Variants in SERBP1 observed in about 807,000 individuals in gnomAD.
SERBP1 encodes SERPINE1 mRNA binding protein 1, also known as SERPINE1 mRNA-binding protein 1.
SERBP1 carries 6 observed loss-of-function variants against 50.2 expected under a neutral mutation model. That is an observed-to-expected ratio of 0.12 (90% CI 0.07 to 0.24). The LOEUF is 0.24. Among genes scored for constraint, SERBP1 ranks in the 10% least tolerant of loss-of-function variants. The pLI is 1.00. For missense variants in SERBP1, 346 were observed against 524.9 expected (o/e 0.66, Z 3.33); for synonymous variants, 168 against 182.8 (o/e 0.92, Z 0.65).
At chr1:67,415,114 A>C (rs985147477) in intron 7 of SERBP1, 52 bp downstream of exon 7, 26 of 1,498,244 alleles carry the variant, frequency 1.7e-5, no homozygotes, top group Non-Finnish European at 2.2e-5. Flanking sequence ...CCAGCCAGTG[A>C]CTTATAAGAG....
chr1:67,417,827 C>CA (rs1667066231), intron 6 of SERBP1, among the ~76,000 whole-genome samples: 2 of 151,790 alleles, frequency 1.3e-5, no homozygotes, highest in African/African-American at 2.4e-5. Flanking sequence ...CTAGAGCACT[C>CA]AGACAATGAG....
At chr1:67,428,138 A>T (rs148016573) in intron 1 of SERBP1, among the ~76,000 whole-genome samples, 7 of 152,280 alleles carry the variant, frequency 4.6e-5, no homozygotes, top group Non-Finnish European at 8.8e-5. Context: ...TCCATTCAAC[A>T]CTTTTCCTGT....
chr1:67,424,140 T>C (rs1667294271), intron 5 of SERBP1, 60 bp downstream of exon 5: 1 of 1,527,734 alleles, frequency 6.5e-7, no homozygotes, highest in Non-Finnish European at 8.8e-7. Flanking sequence ...GGTTATCTTA[T>C]TGGTAAAACT....
chr1:67,413,440 G>A (rs1481964723), intron 7 of SERBP1, among the ~76,000 whole-genome samples, 177 bp from the exon 8 acceptor site: 1 of 152,136 alleles, frequency 6.6e-6, no homozygotes, highest in Admixed American at 6.5e-5. Flanking sequence ...CCTGAGGTCA[G>A]GAGTTTGAGA....
chr1:67,429,687 A>C, intron 1 of SERBP1: 5 of 279,202 alleles, frequency 1.8e-5, no homozygotes, highest in East Asian at 7.4e-5. Context: ...CGGGAAGGCA[A>C]CAGCCTCCCA....
At chr1:67,418,124 C>T (rs1005214763) in intron 6 of SERBP1, among the ~76,000 whole-genome samples, 11 of 151,586 alleles carry the variant, frequency 7.3e-5, no homozygotes, top group African/African-American at 2.4e-4. Flanking sequence ...TACAGGCATG[C>T]ACCACCACAC....
At position 67,408,494 on chromosome 1, in the gene SERBP1, A is replaced by G. The variant is rs1666708273; in HGVS notation, c.*4713T>C. 6.6e-6 allele frequency: 1 copy of G among 151,992 alleles called. No homozygotes were observed. The highest frequency in any genetic ancestry group is 2.4e-5 in the African/African-American group (1 of 41,378). 9.4% of individuals were successfully genotyped at this position (151,992 alleles called of 1,614,324 possible). On this transcript the variant is annotated 3_prime_UTR_variant, in exon 8 of 8. Transcript: ENST00000361219. ...TTTTCCCTTCCATTTAGAAGTGAAC[A>G]ATTGGCTACCAGTTTAGTACAGAAG...
At chr1:67,424,744 C>A in intron 4 of SERBP1, 144 bp downstream of exon 4, 2 of 670,664 alleles carry the variant, frequency 3.0e-6, no homozygotes, top group Non-Finnish European at 2.6e-6. Context: ...ATAACCCAAA[C>A]CCATCCCATA....
At chr1:67,425,013 C>G (rs571974146) in intron 3 of SERBP1, 36 bp from the exon 4 acceptor site, 9 of 1,603,066 alleles carry the variant, frequency 5.6e-6, no homozygotes, top group Non-Finnish European at 7.7e-6. Flanking sequence ...CTCTTTAGTT[C>G]TAGAAATTCA....
chr1:67,430,312 G>A lies in SERBP1; in HGVS notation c.-12C>T, dbSNP rs1229122522. 2.0e-6 allele frequency: 3 copies of A among 1,487,468 alleles called. No homozygotes were observed. The highest frequency in any genetic ancestry group is 2.7e-6 in the Non-Finnish European group (3 of 1,119,950). The allele number at this position is 1,487,468 out of a possible 1,614,324, so 92.1% of individuals were successfully genotyped here. A position where few individuals can be genotyped will look rare whatever the true frequency, so the allele number is the denominator to read the frequency against. On this transcript the variant is annotated 5_prime_UTR_variant, in exon 1 of 8. Transcript: ENST00000361219. ...AAGTGCCCAGGCATGATGGTGGCTC[G>A]GCGGCGCGTTCCTCCACGGATTGCA... is the stretch of plus-strand genomic sequence containing the variant.
chr1:67,418,284 G>A (rs1667090826), intron 6 of SERBP1, among the ~76,000 whole-genome samples: 2 of 148,498 alleles, frequency 1.3e-5, no homozygotes, highest in South Asian at 2.1e-4. Flanking sequence ...CTGAAACCAC[G>A]TGTTCTAATG....
At position 67,410,372 on chromosome 1, in the gene SERBP1, C is replaced by T. The variant is rs1355170176; in HGVS notation, c.*2835G>A. On this transcript the variant is annotated 3_prime_UTR_variant, in exon 8 of 8. Coordinates refer to ENST00000361219, the MANE Select transcript of SERBP1 (RefSeq NM_001018069.2). ...AAAAATAACAAAATTAGAATGAATA[C>T]TTAATATCCTCCTTTTAAATCCATA... 2 of 152,106 alleles carry T rather than the reference C, an allele frequency of 1.3e-5. No individual in the cohort carries two copies. 9.4% of individuals were successfully genotyped at this position (152,106 alleles called of 1,614,324 possible).
intron 2 of SERBP1, 31 bp downstream of exon 2, chr1:67,426,104 G>C (rs777946912): frequency 3.2e-6 from 5 of 1,586,644 alleles, no homozygotes; most frequent in Non-Finnish European, 4.3e-6. Context: ...GTTAGACCAA[G>C]ACCCTGGCTC....
At chr1:67,413,648 C>CAAAA (rs576070396) in intron 7 of SERBP1, among the ~76,000 whole-genome samples, 1 of 66,138 alleles carries the variant, frequency 1.5e-5, no homozygotes, top group Non-Finnish European at 3.1e-5. Context: ...GACTCCATCT[C>CAAAA]AAAAAAAAAA....
intron 7 of SERBP1, among the ~76,000 whole-genome samples, chr1:67,414,134 A>T (rs538805653): frequency 3.3e-5 from 5 of 152,334 alleles, no homozygotes; most frequent in Admixed American, 3.3e-4. Context: ...TAGATTCATA[A>T]GCAATTATGT....
intron 6 of SERBP1, among the ~76,000 whole-genome samples, chr1:67,417,974 T>G (rs937767219): frequency 1.2e-3 from 155 of 131,836 alleles, no homozygotes; most frequent in African/African-American, 4.1e-3. Context: ...AAGTGTTGTT[T>G]TTTTTTTTTT....
At chr1:67,420,216 G>A (rs368699322) in intron 5 of SERBP1, 30 bp from the exon 6 acceptor site, 46 of 1,498,056 alleles carry the variant, frequency 3.1e-5, no homozygotes, top group Non-Finnish European at 4.0e-5. Flanking sequence ...TTTTATACCT[G>A]GTAGAGAGCT....
intron 5 of SERBP1, among the ~76,000 whole-genome samples, chr1:67,421,309 T>A (rs1667189810): frequency 6.6e-6 from 1 of 152,204 alleles, no homozygotes; most frequent in Non-Finnish European, 1.5e-5. Context: ...ATACCTTTTA[T>A]CATATCATGG....
rs1424312695 is a variant in SERBP1 at position 67,426,380 on chromosome 1, TACCA to T, written c.314-99_314-96del. ...AAAAGCTGCTTCTCTTCCAATCCAC[TACCA>T]TTTCCTGTTGGAAAAAAGCAAACAC... is the stretch of plus-strand genomic sequence containing the variant. On this transcript the variant is annotated intron_variant, in intron 1 of 7. Coordinates refer to ENST00000361219, the MANE Select transcript of SERBP1 (RefSeq NM_001018069.2). 3.2e-6 allele frequency: 4 copies of T among 1,247,204 alleles called. No individual in the cohort carries two copies. In the Admixed American group the frequency reaches 1.1e-4, roughly 35 times the overall value. The allele number at this position is 1,247,204 out of a possible 1,614,324, so 77.3% of individuals were successfully genotyped here.
Sources: allele counts gnomAD v4.1 joint callset (sites outside exome capture counted in the v4.1 genomes callset), GRCh38; gene constraint gnomAD v4.1.1; transcripts MANE v1.5; gene names NCBI Gene and HGNC (gene_info 2026-07-23, HGNC 2026-07-21).